PDZRN4: variants seen among roughly 807,000 people sequenced by gnomAD.
The protein encoded by PDZRN4 is PDZ domain containing ring finger 4.
Under a neutral mutation model 99.0 loss-of-function variants are expected in PDZRN4, and 70 were observed. The observed-to-expected ratio is 0.71, with a 90% CI of 0.58 to 0.86. The LOEUF (loss-of-function observed/expected upper bound fraction) is 0.86, where lower values mean the gene tolerates loss of function less well. PDZRN4 is among the 40% of genes least tolerant of loss of function. The pLI is 0.00. For synonymous variants in PDZRN4, 551 were observed against 501.6 expected (o/e 1.10, Z -1.32); for missense variants, 1,474 against 1,331.2 (o/e 1.11, Z -1.67).
At chr12:41,382,783 T>C (rs1335231500) in intron 3 of PDZRN4, among the ~76,000 whole-genome samples, 1 of 152,196 alleles carries the variant, frequency 6.6e-6, no homozygotes, top group Non-Finnish European at 1.5e-5. Context: ...TTAATTTATA[T>C]CTCCATTTAT....
chr12:41,462,762 T>G (rs915663079), intron 3 of PDZRN4, among the ~76,000 whole-genome samples: 1 of 149,548 alleles, frequency 6.7e-6, no homozygotes, highest in Non-Finnish European at 1.5e-5. Flanking sequence ...ATGAACACAA[T>G]TATGTATCAG....
chr12:41,559,915 C>T (rs1444576397), intron 7 of PDZRN4, among the ~76,000 whole-genome samples: 1 of 152,100 alleles, frequency 6.6e-6, no homozygotes, highest in Non-Finnish European at 1.5e-5. Context: ...CATTCTCTCT[C>T]CTGCCACCCT....
At chr12:41,224,264 G>C (rs1950978084) in intron 3 of PDZRN4, among the ~76,000 whole-genome samples, 1 of 152,140 alleles carries the variant, frequency 6.6e-6, no homozygotes, top group Admixed American at 6.5e-5. Flanking sequence ...TTACAAATGG[G>C]TAAACAATGC....
At chr12:41,438,648 TACA>T (rs1171546296) in intron 3 of PDZRN4, among the ~76,000 whole-genome samples, 1 of 152,210 alleles carries the variant, frequency 6.6e-6, no homozygotes, top group Non-Finnish European at 1.5e-5. Flanking sequence ...GAGAGCTTAT[TACA>T]ACAACTGTAG....
intron 5 of PDZRN4, among the ~76,000 whole-genome samples, chr12:41,537,898 G>A (rs1043334780): frequency 7.2e-5 from 11 of 152,158 alleles, no homozygotes; most frequent in African/African-American, 2.4e-4. Context: ...ACCCGCTCAT[G>A]TGGAGATCTG....
intron 3 of PDZRN4, among the ~76,000 whole-genome samples, chr12:41,410,885 T>C (rs2120374764): frequency 6.6e-6 from 1 of 152,078 alleles, no homozygotes; most frequent in South Asian, 2.1e-4. Context: ...GGGGATATTT[T>C]CTATTTTGAG....
chr12:41,466,751 G>GTTTTTTTTTTTTTTTTTTTTGTTT (rs61259671), intron 3 of PDZRN4, among the ~76,000 whole-genome samples: 1 of 122,156 alleles, frequency 8.2e-6, no homozygotes, highest in African/African-American at 3.1e-5. Context: ...TATTTCCAGT[G>GTTTTTTTTTTTTTTTTTTTTGTTT]TTTTTTTTTT....
At chr12:41,480,142 C>A (rs1339448077) in intron 3 of PDZRN4, among the ~76,000 whole-genome samples, 1 of 152,038 alleles carries the variant, frequency 6.6e-6, no homozygotes, top group East Asian at 1.9e-4. Context: ...TTCTCTCATG[C>A]ACGATAATCA....
At chr12:41,290,897 C>A (rs1393050904) in intron 3 of PDZRN4, among the ~76,000 whole-genome samples, 1 of 151,972 alleles carries the variant, frequency 6.6e-6, no homozygotes, top group Non-Finnish European at 1.5e-5. Flanking sequence ...TAATTTGATT[C>A]ATTTCCTTAA....
rs945623204 is a variant in PDZRN4, at chr12:41,238,543, C to A, written c.843+44355C>A. 3.3e-5 allele frequency among the ~76,000 whole-genome samples: 5 copies of A among 151,976 alleles called. No individual in the cohort carries two copies. The East Asian group carries it at 7.8e-4, about 24-fold the overall frequency. ...AATTTAGAAGAAAGAAAACAAACAA[C>A]CCCATTAAAAAGTGGGCAAAGAACA... On this transcript the variant is annotated intron_variant, in intron 3 of 9. Transcript: ENST00000402685.
chr12:41,462,133 T>C (rs1952879163), intron 3 of PDZRN4, among the ~76,000 whole-genome samples: 1 of 152,232 alleles, frequency 6.6e-6, no homozygotes, highest in African/African-American at 2.4e-5. Context: ...CTTTTCAAGA[T>C]TAAACACAAG....
At chr12:41,344,948 C>G (rs574924586) in intron 3 of PDZRN4, among the ~76,000 whole-genome samples, 2 of 152,022 alleles carry the variant, frequency 1.3e-5, no homozygotes, top group South Asian at 4.2e-4. Flanking sequence ...TAAAGCAACT[C>G]ATAATGAATT....
intron 9 of PDZRN4, among the ~76,000 whole-genome samples, chr12:41,569,914 C>G (rs938369737): frequency 1.3e-5 from 2 of 152,090 alleles, no homozygotes; most frequent in Non-Finnish European, 2.9e-5. Flanking sequence ...AACTTCAACA[C>G]TGGCCAAAAA....
chr12:41,557,148 C>CAAAAAAAA (rs112787721), intron 7 of PDZRN4, among the ~76,000 whole-genome samples: 3 of 58,032 alleles, frequency 5.2e-5, no homozygotes, highest in African/African-American at 8.8e-5. Context: ...GAGACACTCT[C>CAAAAAAAA]AAAAAAAAAA....
rs778031195 is a variant in PDZRN4 at position 41,400,799 on chromosome 12, C to G, written c.844-105657C>G. Among the ~76,000 whole-genome samples the G allele has an allele frequency of 7.9e-5, 12 of 152,240 alleles. No homozygotes were observed. The South Asian group carries it at 1.5e-3, about 18-fold the overall frequency. On this transcript the variant is annotated intron_variant, in intron 3 of 9. Coordinates refer to ENST00000402685, the MANE Select transcript of PDZRN4 (RefSeq NM_001164595.2). ...ATGTTGCTTTACAAGTCATGTAAAA[C>G]ATCTTTTTATAAAAATGTTCAAGTA...
At chr12:41,554,882 T>G (rs1337859993) in intron 6 of PDZRN4, among the ~76,000 whole-genome samples, 1 of 151,670 alleles carries the variant, frequency 6.6e-6, no homozygotes, top group Non-Finnish European at 1.5e-5. Flanking sequence ...ATATATAAAT[T>G]AATGTGCCCA....
intron 3 of PDZRN4, among the ~76,000 whole-genome samples, chr12:41,201,775 GT>G (rs1950817537): frequency 6.6e-6 from 1 of 152,034 alleles, no homozygotes; most frequent in South Asian, 2.1e-4. Context: ...TGTTTCTTAA[GT>G]TGTAAGATCT....
At chr12:41,325,690 G>A (rs1340607122) in intron 3 of PDZRN4, among the ~76,000 whole-genome samples, 1 of 152,098 alleles carries the variant, frequency 6.6e-6, no homozygotes, top group East Asian at 1.9e-4. Context: ...TTTAACTATT[G>A]ATCTGTCTCA....
intron 7 of PDZRN4, among the ~76,000 whole-genome samples, chr12:41,558,182 A>C (rs1009017245): frequency 1.3e-5 from 2 of 152,224 alleles, no homozygotes; most frequent in Non-Finnish European, 2.9e-5. Context: ...TACTGAAAAT[A>C]ATGTAATCTT....
Sources: allele counts gnomAD v4.1 joint callset (sites outside exome capture counted in the v4.1 genomes callset), GRCh38; gene constraint gnomAD v4.1.1; transcripts MANE v1.5; gene names NCBI Gene and HGNC (gene_info 2026-07-23, HGNC 2026-07-21).